Variants in SUMF1 observed in about 807,000 individuals in gnomAD.
SUMF1 encodes the protein sulfatase modifying factor 1.
Under a neutral mutation model 47.6 loss-of-function variants are expected in SUMF1, and 48 were observed. That is an observed-to-expected ratio of 1.01 (90% CI 0.80 to 1.28). The LOEUF is 1.28. SUMF1 is among the 50% of genes most tolerant of loss of function. SUMF1 has a pLI of 0.00. For missense variants in SUMF1, 571 were observed against 485.4 expected (o/e 1.18, Z -1.66); for synonymous variants, 230 against 192.1 (o/e 1.20, Z -1.63).
chr3:4,055,374 T>A (rs1232904067), intron 9 of SUMF1, among the ~76,000 whole-genome samples: 1 of 152,224 alleles, frequency 6.6e-6, no homozygotes, highest in Non-Finnish European at 1.5e-5. Flanking sequence ...ATAGCTCTAT[T>A]TATTTACATA....
chr3:4,112,131 C>T (rs2125070635), intron 8 of SUMF1, among the ~76,000 whole-genome samples: 1 of 152,170 alleles, frequency 6.6e-6, no homozygotes. Context: ...GCAGACTAGC[C>T]TTAAACTCTG....
At chr3:4,158,061 G>A (rs1360703909) in intron 8 of SUMF1, among the ~76,000 whole-genome samples, 1 of 151,608 alleles carries the variant, frequency 6.6e-6, no homozygotes, top group African/African-American at 2.4e-5. Flanking sequence ...GTCCAATTGA[G>A]TTCAATTCAA....
At chr3:4,144,971 A>G (rs1358481684) in intron 8 of SUMF1, among the ~76,000 whole-genome samples, 1 of 152,056 alleles carries the variant, frequency 6.6e-6, no homozygotes, top group Non-Finnish European at 1.5e-5. Context: ...AGGCCAAGGC[A>G]GGTGGATCAC....
At chr3:4,348,585 C>G (rs1159642693) in intron 8 of SUMF1, among the ~76,000 whole-genome samples, 1 of 152,042 alleles carries the variant, frequency 6.6e-6, no homozygotes, top group Admixed American at 6.6e-5. Flanking sequence ...TCAGAAGAGG[C>G]CAGGCACAGT....
chr3:4,100,485 AT>A (rs910204755), intron 8 of SUMF1, among the ~76,000 whole-genome samples: 1 of 151,920 alleles, frequency 6.6e-6, no homozygotes, highest in Non-Finnish European at 1.5e-5. Context: ...CACAGATAAA[AT>A]TTAAATGTCC....
rs147341863 is a variant in SUMF1, at chr3:4,318,068, C to T, written c.1014+58262G>A. 2.8e-4 allele frequency among the ~76,000 whole-genome samples: 42 copies of T among 152,144 alleles called. No homozygotes were observed. The East Asian group carries it at 7.5e-3, about 27-fold the overall frequency. Reference sequence around the variant, plus strand: ...GCCTAAGGTTACATACATACACACACACACGAGTTAAAGAAGACATGGATA... The same window carrying T: ...GCCTAAGGTTACATACATACACACATACACGAGTTAAAGAAGACATGGATA... On this transcript the variant is annotated intron_variant and NMD_transcript_variant, in intron 8 of 12. Transcript: ENST00000448413.
At chr3:4,192,768 A>G (rs1695348324) in intron 8 of SUMF1, among the ~76,000 whole-genome samples, 1 of 152,118 alleles carries the variant, frequency 6.6e-6, no homozygotes, top group Non-Finnish European at 1.5e-5. Context: ...CTGAAGACTG[A>G]GTTCAATCAT....
chr3:4,421,520 C>T lies in SUMF1; in HGVS notation c.520-1374G>A, dbSNP rs1701896919. Among the ~76,000 whole-genome samples, 3 of 152,108 alleles carry T rather than the reference C, an allele frequency of 2.0e-5. No individual in the cohort carries two copies. The South Asian group carries it at 6.2e-4, about 32-fold the overall frequency. ...TTTGAGACAGGGTCTCACCCTGTCCCCTAGGCTGGAGAACAGTGGCACGGT... is the reference window on the plus strand; with the variant it reads ...TTTGAGACAGGGTCTCACCCTGTCCTCTAGGCTGGAGAACAGTGGCACGGT... On this transcript the variant is annotated intron_variant, in intron 3 of 8. Coordinates refer to ENST00000272902, the MANE Select transcript of SUMF1 (RefSeq NM_182760.4).
At chr3:4,245,979 T>C (rs1424051227) in intron 8 of SUMF1, among the ~76,000 whole-genome samples, 1 of 152,180 alleles carries the variant, frequency 6.6e-6, no homozygotes, top group Non-Finnish European at 1.5e-5. Flanking sequence ...GATGCCCCTT[T>C]CCCTGCCAAG....
intron 8 of SUMF1, among the ~76,000 whole-genome samples, chr3:4,155,002 T>G (rs1279119728): frequency 6.6e-6 from 1 of 151,470 alleles, no homozygotes; most frequent in Non-Finnish European, 1.5e-5. Context: ...ACCTTTTAGT[T>G]TTATGTTGGC....
At chr3:4,160,052 C>G (rs560001578) in intron 8 of SUMF1, among the ~76,000 whole-genome samples, 1 of 152,170 alleles carries the variant, frequency 6.6e-6, no homozygotes, top group East Asian at 1.9e-4. Context: ...TAGTTCAAAT[C>G]TGTTTGGTAT....
intron 6 of SUMF1, among the ~76,000 whole-genome samples, chr3:4,414,220 A>G (rs930290145): frequency 1.3e-5 from 2 of 152,014 alleles, no homozygotes; most frequent in African/African-American, 4.8e-5. Flanking sequence ...AGTCCCAGCT[A>G]CTTGGAAGGC....
chr3:4,142,762 C>T (rs1032919017), intron 8 of SUMF1, among the ~76,000 whole-genome samples: 2 of 150,066 alleles, frequency 1.3e-5, no homozygotes, highest in Non-Finnish European at 2.9e-5. Context: ...CCTCACAGCC[C>T]TCACACACAC....
At chr3:4,272,802 T>C (rs1001460197) in intron 8 of SUMF1, among the ~76,000 whole-genome samples, 1 of 152,138 alleles carries the variant, frequency 6.6e-6, no homozygotes, top group African/African-American at 2.4e-5. Flanking sequence ...GGCCAAGTAC[T>C]GTGGCTCATA....
chr3:4,135,508 G>C (rs1693904460), intron 8 of SUMF1, among the ~76,000 whole-genome samples: 1 of 152,096 alleles, frequency 6.6e-6, no homozygotes, highest in Non-Finnish European at 1.5e-5. Flanking sequence ...CAAACCCATA[G>C]CCAATATCAT....
chr3:4,158,821 A>G (rs1483933768), intron 8 of SUMF1, among the ~76,000 whole-genome samples: 1 of 151,386 alleles, frequency 6.6e-6, no homozygotes, highest in Non-Finnish European at 1.5e-5. Context: ...TTTGGTTTCC[A>G]TTTACACAGA....
At chr3:4,069,980 A>C (rs1695480491) in intron 8 of SUMF1, among the ~76,000 whole-genome samples, 1 of 152,174 alleles carries the variant, frequency 6.6e-6, no homozygotes, top group Non-Finnish European at 1.5e-5. Context: ...TAAGAAACAT[A>C]CAACCTGCTC....
intron 7 of SUMF1, among the ~76,000 whole-genome samples, chr3:4,382,648 T>C (rs114970200): frequency 0.056 from 8,480 of 152,234 alleles, 286 homozygotes; most frequent in African/African-American, 0.092. Context: ...CTGCTCATGA[T>C]AGCAAAGACT....
chr3:4,094,517 T>C (rs536973319), intron 8 of SUMF1, among the ~76,000 whole-genome samples: 2 of 152,226 alleles, frequency 1.3e-5, no homozygotes, highest in East Asian at 1.9e-4. Flanking sequence ...GGATGTAAGC[T>C]AGGCTTTGAA....
Sources: gnomAD v4.1 joint callset for allele counts (sites outside exome capture counted in the v4.1 genomes callset) on GRCh38, gnomAD v4.1.1 for gene constraint, MANE v1.5 for transcripts, NCBI Gene and HGNC (gene_info 2026-07-23, HGNC 2026-07-21) for gene names.